The following WWOX variants were observed in gnomAD, a reference collection of about 807,000 sequenced individuals.
WWOX encodes the protein WW domain-containing oxidoreductase.
In WWOX, 69 loss-of-function variants were observed where a neutral mutation model predicts 46.2. That is an observed-to-expected ratio of 1.49 (90% CI 1.23 to 1.82). WWOX has a LOEUF of 1.82. Among genes scored for constraint, WWOX ranks in the 40% most tolerant of loss-of-function variants. WWOX has a pLI of 0.00. For missense variants in WWOX, 919 were observed against 542.6 expected (o/e 1.69, Z -6.89); for synonymous variants, 359 against 202.6 (o/e 1.77, Z -6.56).
At chr16:78,616,726 A>G (rs1347340445) in intron 8 of WWOX, among the ~76,000 whole-genome samples, 4 of 152,026 alleles carry the variant, frequency 2.6e-5, no homozygotes, top group African/African-American at 9.7e-5. Context: ...AGATGGTGCC[A>G]CTGCACTCCT....
At chr16:78,550,965 AAG>A (rs2044159137) in intron 8 of WWOX, 1 of 152,232 alleles carries the variant, frequency 6.6e-6, no homozygotes, top group African/African-American at 2.4e-5. Context: ...CTGTCTTTTG[AAG>A]AAAGACATTG....
In WWOX at chr16:78,241,010, C is replaced by T. The variant is rs576653542; in HGVS notation, c.516+76721C>T. 9.2e-5 allele frequency among the ~76,000 whole-genome samples: 14 copies of T among 152,280 alleles called. No homozygotes were observed. The South Asian group carries it at 2.5e-3, about 27-fold the overall frequency. ...ACGTCCTGACCTCCATCTCAGTGGG[C>T]ATGTTCCTCACCTGGCTGGCTGCCC... On this transcript the variant is annotated intron_variant, in intron 5 of 8. Coordinates refer to ENST00000566780, the MANE Select transcript of WWOX (RefSeq NM_016373.4).
At position 78,660,874 on chromosome 16, in the gene WWOX, A is replaced by G. The variant is rs920860277; in HGVS notation, c.1056+228122A>G. Among the ~76,000 whole-genome samples, 15 of 152,294 alleles carry G rather than the reference A, an allele frequency of 9.8e-5. No individual in the cohort carries two copies. The East Asian group carries it at 2.5e-3, about 26-fold the overall frequency. ...GTTTATTACCTACTTTTTCCATTTA[A>G]TAGTATCTTGGAGATTATTTGGTAC... On this transcript the variant is annotated intron_variant, in intron 8 of 8. Coordinates refer to ENST00000566780, the MANE Select transcript of WWOX (RefSeq NM_016373.4).
At chr16:78,905,367 C>A (rs929429392) in intron 8 of WWOX, among the ~76,000 whole-genome samples, 2 of 152,068 alleles carry the variant, frequency 1.3e-5, no homozygotes, top group African/African-American at 4.8e-5. Context: ...TGTTGATGGA[C>A]GCTTGGAAGA....
At chr16:78,765,975 A>T (rs1282335815) in intron 8 of WWOX, among the ~76,000 whole-genome samples, 1 of 152,184 alleles carries the variant, frequency 6.6e-6, no homozygotes, top group South Asian at 2.1e-4. Flanking sequence ...TAACAAAAGT[A>T]TGACTAGATC....
intron 8 of WWOX, among the ~76,000 whole-genome samples, chr16:78,623,136 T>C (rs984728352): frequency 1.3e-5 from 2 of 151,678 alleles, no homozygotes; most frequent in African/African-American, 4.8e-5. Context: ...TTCAGCATGG[T>C]AAGACCCTGG....
intron 8 of WWOX, among the ~76,000 whole-genome samples, chr16:78,892,712 G>A (rs1597115474): frequency 1.3e-5 from 2 of 152,212 alleles, no homozygotes; most frequent in Admixed American, 6.5e-5. Flanking sequence ...GCAGGTGATT[G>A]TGATACTATA....
At chr16:79,013,459 C>T (rs967832923) in intron 8 of WWOX, among the ~76,000 whole-genome samples, 4 of 152,058 alleles carry the variant, frequency 2.6e-5, no homozygotes, top group Non-Finnish European at 4.4e-5. Flanking sequence ...TTCTCTTTTT[C>T]TGTGTGCTCT....
rs186850450 is a variant in WWOX at position 79,200,366 on chromosome 16, T to G, written c.1057-11242T>G. ...TTCAAGTGTATGCATGATTCTGGGG[T>G]GCTACAAAGGGTATAGAGTATGGAG... On this transcript the variant is annotated intron_variant, in intron 8 of 8. Coordinates refer to ENST00000566780, the MANE Select transcript of WWOX (RefSeq NM_016373.4). 4.8e-4 allele frequency among the ~76,000 whole-genome samples: 73 copies of G among 152,236 alleles called. 1 individual carries two copies. The highest frequency in any genetic ancestry group is 1.6e-3 in the African/African-American group (67 of 41,568).
intron 8 of WWOX, among the ~76,000 whole-genome samples, chr16:78,655,792 T>G (rs2047067096): frequency 6.6e-6 from 1 of 152,212 alleles, no homozygotes; most frequent in Non-Finnish European, 1.5e-5. Context: ...TAAACAAATC[T>G]GTGATTTGAA....
intron 5 of WWOX, among the ~76,000 whole-genome samples, chr16:78,174,608 A>G (rs1189592971): frequency 6.6e-6 from 1 of 152,128 alleles, no homozygotes; most frequent in East Asian, 1.9e-4. Flanking sequence ...TGTAAAGTCT[A>G]TGTCTTTTTA....
chr16:78,687,631 T>G (rs2142254552), intron 8 of WWOX, among the ~76,000 whole-genome samples: 1 of 152,320 alleles, frequency 6.6e-6, no homozygotes, highest in East Asian at 1.9e-4. Context: ...TGGTTATCTA[T>G]AGCTCAGGAA....
At chr16:78,243,326 A>C (rs988919626) in intron 5 of WWOX, among the ~76,000 whole-genome samples, 1 of 152,218 alleles carries the variant, frequency 6.6e-6, no homozygotes, top group Non-Finnish European at 1.5e-5. Flanking sequence ...GTGATATGCA[A>C]ACATCTGTGA....
At chr16:78,618,505 A>G (rs1230911567) in intron 8 of WWOX, among the ~76,000 whole-genome samples, 3 of 152,084 alleles carry the variant, frequency 2.0e-5, no homozygotes, top group Admixed American at 1.3e-4. Context: ...CACTGGTCAT[A>G]TTGGATTAGG....
At chr16:78,762,267 G>A (rs1486366679) in intron 8 of WWOX, among the ~76,000 whole-genome samples, 1 of 152,126 alleles carries the variant, frequency 6.6e-6, no homozygotes, top group Non-Finnish European at 1.5e-5. Context: ...CACCCTCTTG[G>A]TACTCAAAGC....
At chr16:78,589,006 G>A (rs574217546) in intron 8 of WWOX, among the ~76,000 whole-genome samples, 26 of 152,308 alleles carry the variant, frequency 1.7e-4, no homozygotes, top group Middle Eastern at 3.4e-3. Context: ...CATCATAGAA[G>A]TAAATGAGAC....
intron 5 of WWOX, among the ~76,000 whole-genome samples, chr16:78,368,243 G>A (rs2081586443): frequency 6.6e-6 from 1 of 152,174 alleles, no homozygotes; most frequent in South Asian, 2.1e-4. Flanking sequence ...TAACATGAGT[G>A]GAATGGATTT....
intron 2 of WWOX, among the ~76,000 whole-genome samples, 190 bp from the exon 3 acceptor site, chr16:78,109,588 C>T (rs2032365972): frequency 6.6e-6 from 1 of 151,950 alleles, no homozygotes; most frequent in South Asian, 2.1e-4. Flanking sequence ...AATGTGGAGC[C>T]CAGGGTGGGA....
intron 5 of WWOX, among the ~76,000 whole-genome samples, chr16:78,356,107 A>T (rs999855469): frequency 1.2e-4 from 7 of 59,434 alleles, no homozygotes; most frequent in Non-Finnish European, 2.2e-4. Context: ...GAATCGATTG[A>T]ACCCGGGAGG....
Sources: allele counts gnomAD v4.1 joint callset (sites outside exome capture counted in the v4.1 genomes callset), GRCh38; gene constraint gnomAD v4.1.1; transcripts MANE v1.5; gene names NCBI Gene and HGNC (gene_info 2026-07-23, HGNC 2026-07-21).